ETHE1: variants seen among roughly 807,000 people sequenced by gnomAD.
The protein encoded by ETHE1 is ETHE1 persulfide dioxygenase, also known as persulfide dioxygenase ETHE1, mitochondrial.
Under a neutral mutation model 25.7 loss-of-function variants are expected in ETHE1, and 16 were observed. The observed-to-expected ratio is 0.62, with a 90% confidence interval of 0.42 to 0.95. The LOEUF is 0.95. Among genes scored for constraint, ETHE1 ranks in the 40% least tolerant of loss-of-function variants. The probability of loss-of-function intolerance (pLI) is 0.00; values close to 1 mark genes in which losing one functional copy is unlikely to be tolerated. For synonymous variants in ETHE1, 139 were observed against 135.9 expected (o/e 1.02, Z -0.16); for missense variants, 300 against 333.6 (o/e 0.90, Z 0.79).
chr19:43,517,907 G>A (rs73043658), intron 3 of ETHE1, among the ~76,000 whole-genome samples: 17,316 of 150,384 alleles, frequency 0.12, 999 homozygotes, highest in African/African-American at 0.15. Flanking sequence ...CAGAGATCAT[G>A]CCACTGCATT....
chr19:43,526,493 T>A (rs1387648044), intron 2 of ETHE1, 22 bp downstream of exon 2: 1 of 1,610,190 alleles, frequency 6.2e-7, no homozygotes, highest in Admixed American at 1.7e-5. Context: ...CTGGGATCCA[T>A]GAGTTTGGTC....
intron 3 of ETHE1, among the ~76,000 whole-genome samples, chr19:43,517,765 G>C (rs951181064): frequency 1.3e-5 from 2 of 148,942 alleles, no homozygotes; most frequent in Non-Finnish European, 3.0e-5. Context: ...GACAGAGTGA[G>C]ACTCCGCCTC....
chr19:43,512,013 ACTCT>A (rs745345702), intron 3 of ETHE1, among the ~76,000 whole-genome samples: 1 of 151,830 alleles, frequency 6.6e-6, no homozygotes, highest in African/African-American at 2.4e-5. Context: ...TCCCCTGCAC[ACTCT>A]CTCTTGCCTG....
At chr19:43,526,041 TG>T in intron 3 of ETHE1, 159 bp downstream of exon 3, 1 of 1,095,612 alleles carries the variant, frequency 9.1e-7, no homozygotes, top group Non-Finnish European at 1.3e-6. Context: ...CCTGGGTTTA[TG>T]GTGCCCCCCT....
At chr19:43,519,135 C>T (rs1473094060) in intron 3 of ETHE1, among the ~76,000 whole-genome samples, 1 of 149,962 alleles carries the variant, frequency 6.7e-6, no homozygotes, top group Non-Finnish European at 1.5e-5. Flanking sequence ...CTTCAGCCTC[C>T]TGAGTAGCTG....
At chr19:43,523,630 C>T (rs957740934) in intron 3 of ETHE1, among the ~76,000 whole-genome samples, 5 of 151,988 alleles carry the variant, frequency 3.3e-5, no homozygotes, top group African/African-American at 4.8e-5. Context: ...AAAAATGGAC[C>T]CCCATCTCCA....
rs115128350 is a variant in ETHE1, at chr19:43,526,976, C to T, written c.81+121G>A. 1,738 of 1,531,036 alleles carry T rather than the reference C, an allele frequency of 1.1e-3. 18 individuals are homozygous for T. In the African/African-American group the frequency reaches 0.02, roughly 18 times the overall value. The allele number at this position is 1,531,036 out of a possible 1,614,324, so 94.8% of individuals were successfully genotyped here. ...AGAGTCCAGCCCTAAACCTCCACCC[C>T]GCTTTCCGCAAGATGCAGGCGTGGG... On this transcript the variant is annotated intron_variant, in intron 1 of 6. Coordinates refer to ENST00000292147, the MANE Select transcript of ETHE1 (RefSeq NM_014297.5).
chr19:43,524,990 A>G (rs1972210506), intron 3 of ETHE1, among the ~76,000 whole-genome samples: 1 of 151,384 alleles, frequency 6.6e-6, no homozygotes, highest in South Asian at 2.1e-4. Flanking sequence ...ACAAGAACAT[A>G]CACAAATCAG....
Position 43,526,952 on chromosome 19 carries a change from G to T in ETHE1, c.81+145C>A, listed in dbSNP as rs573584726. On this transcript the variant is annotated intron_variant, in intron 1 of 6. Transcript: ENST00000292147. ...GACCACTCACCTTTAAAGGACCCAA[G>T]AGTCCAGCCCTAAACCTCCACCCCG... 85 of 1,519,882 alleles carry T rather than the reference G, an allele frequency of 5.6e-5. 3 individuals are homozygous for T. In the South Asian group the frequency reaches 9.9e-4, roughly 18 times the overall value. The allele number at this position is 1,519,882 out of a possible 1,614,324, so 94.1% of individuals were successfully genotyped here. A position where few individuals can be genotyped will look rare whatever the true frequency, so the allele number is the denominator to read the frequency against.
In ETHE1 at chr19:43,526,210, G is replaced by T; in HGVS notation, c.366C>A (p.Phe122Leu). 1 of 1,614,110 alleles carries T rather than the reference G, an allele frequency of 6.2e-7. No homozygotes were observed. Among genetic ancestry groups the T allele is most frequent in the Non-Finnish European group, 8.5e-7 (1 of 1,180,016 alleles). Residue 122 changes from phenylalanine (F) to leucine (L), a missense_variant, in exon 3 of 7, where the codon TTC (phenylalanine) becomes TTA (leucine). By Grantham distance (22) the Phe-to-Leu change is conservative. Coordinates refer to ENST00000292147, the MANE Select transcript of ETHE1 (RefSeq NM_014297.5). ...CCAGCACCCAACTCACGAAGCGCCCGAAGCGGATGGAGTCTCCATCCTCAA... is the reference window on the plus strand; with the variant it reads ...CCAGCACCCAACTCACGAAGCGCCCTAAGCGGATGGAGTCTCCATCCTCAA... ...LHIEDGDSIR[F>L]GRFALETRAS...
intron 3 of ETHE1, among the ~76,000 whole-genome samples, chr19:43,517,949 C>CAAAAAAAAAAAAAA (rs71169251): frequency 9.5e-6 from 1 of 105,064 alleles, no homozygotes; most frequent in Non-Finnish European, 1.9e-5. Flanking sequence ...CACTCCGTCT[C>CAAAAAAAAAAAAAA]AAAAAAAAAA....
At chr19:43,510,255 C>T (rs1338039726) in intron 4 of ETHE1, among the ~76,000 whole-genome samples, 1 of 152,140 alleles carries the variant, frequency 6.6e-6, no homozygotes, top group African/African-American at 2.4e-5. Flanking sequence ...ATCTAACTGC[C>T]CCTAGCAGCT....
intron 4 of ETHE1, 69 bp from the exon 5 acceptor site, chr19:43,508,933 A>C (rs1971851020): frequency 8.4e-7 from 1 of 1,192,664 alleles, no homozygotes; most frequent in Non-Finnish European, 1.2e-6. Flanking sequence ...CCTTCAAGAA[A>C]AGGGTAGGAG....
rs556527789 is a variant in ETHE1, at chr19:43,509,144, G to A, written c.506-280C>T. Among the ~76,000 whole-genome samples the A allele has an allele frequency of 2.6e-5, 4 of 152,314 alleles. No individual in the cohort carries two copies. In the South Asian group the frequency reaches 6.2e-4, roughly 24 times the overall value. On this transcript the variant is annotated intron_variant, in intron 4 of 6. Coordinates refer to ENST00000292147, the MANE Select transcript of ETHE1 (RefSeq NM_014297.5). Reference sequence around the variant, plus strand: ...AAGAGTGTCATTTGTGACCTTGGCTGTCACCCAGGGGATGTCAAGTAAGGG... The same window carrying A: ...AAGAGTGTCATTTGTGACCTTGGCTATCACCCAGGGGATGTCAAGTAAGGG...
At chr19:43,511,405 A>C (rs1277460980) in intron 4 of ETHE1, 32 bp downstream of exon 4, 1 of 1,614,074 alleles carries the variant, frequency 6.2e-7, no homozygotes, top group South Asian at 1.1e-5. Context: ...TAACTATATG[A>C]AGATCTTGGG....
Position 43,509,660 on chromosome 19 carries a change from A to G in ETHE1, c.506-796T>C, listed in dbSNP as rs367801835. Reference sequence around the variant, plus strand: ...AATACAAAAAAATTAGCCTGGCGTGATGGCGGGCGCCTGTAGTCCCAGCTA... The same window carrying G: ...AATACAAAAAAATTAGCCTGGCGTGGTGGCGGGCGCCTGTAGTCCCAGCTA... On this transcript the variant is annotated intron_variant, in intron 4 of 6. Transcript: ENST00000292147. 4.4e-3 allele frequency among the ~76,000 whole-genome samples: 658 copies of G among 147,978 alleles called. 9 individuals carry two copies. The highest frequency in any genetic ancestry group is 0.015 in the African/African-American group (602 of 39,914).
At chr19:43,507,919 G>T in intron 6 of ETHE1, 25 bp downstream of exon 6, 1 of 1,610,908 alleles carries the variant, frequency 6.2e-7, no homozygotes, top group Middle Eastern at 1.7e-4. Flanking sequence ...CTCAGACCCA[G>T]AAGTCCAGGT....
Position 43,513,331 on chromosome 19 carries a change from G to A in ETHE1, c.376-1765C>T, listed in dbSNP as rs143061074. 1.6e-3 allele frequency among the ~76,000 whole-genome samples: 243 copies of A among 152,160 alleles called. 1 individual carries two copies. The South Asian group carries it at 0.027, about 17-fold the overall frequency. On this transcript the variant is annotated intron_variant, in intron 3 of 6. Transcript: ENST00000292147. ...CAGAACCCAGAGTGTTAGATCCACCGAGAGCTTGCACCATGTGCCTGGAAA... is the reference window on the plus strand; with the variant it reads ...CAGAACCCAGAGTGTTAGATCCACCAAGAGCTTGCACCATGTGCCTGGAAA...
intron 3 of ETHE1, among the ~76,000 whole-genome samples, chr19:43,524,805 AAAAC>A (rs754430159): frequency 3.3e-5 from 5 of 151,974 alleles, no homozygotes; most frequent in African/African-American, 7.2e-5. Context: ...CCTTTTCTCA[AAAAC>A]AAACAAACAA....
Sources: gnomAD v4.1 joint callset for allele counts (sites outside exome capture counted in the v4.1 genomes callset) on GRCh38, gnomAD v4.1.1 for gene constraint, MANE v1.5 for transcripts, NCBI Gene and HGNC (gene_info 2026-07-23, HGNC 2026-07-21) for gene names.